Variants in CLVS1 observed in about 807,000 individuals in gnomAD.
CLVS1 encodes clavesin 1, also known as clavesin-1.
In CLVS1, 10 loss-of-function variants were observed where a neutral mutation model predicts 33.1. That is an observed-to-expected ratio of 0.30 (90% CI 0.19 to 0.51). CLVS1 has a LOEUF of 0.51. CLVS1 is among the 20% of genes least tolerant of loss of function. The pLI is 0.97. For synonymous variants in CLVS1, 163 were observed against 166.1 expected, an observed-to-expected ratio of 0.98 and a Z score of 0.14; for missense variants, 343 against 433.4, an observed-to-expected ratio of 0.79 and a Z score of 1.85.
chr8:61,183,612 C>T (rs1345955823), intron 2 of CLVS1, among the ~76,000 whole-genome samples: 1 of 152,102 alleles, frequency 6.6e-6, no homozygotes, highest in Non-Finnish European at 1.5e-5. Context: ...GAAAGGTTGG[C>T]AGATCCCACA....
intron 2 of CLVS1, among the ~76,000 whole-genome samples, chr8:61,250,244 T>A (rs1808907487): frequency 6.6e-6 from 1 of 152,186 alleles, no homozygotes; most frequent in African/African-American, 2.4e-5. Flanking sequence ...GTGGTGTTAT[T>A]TCTGAGGCTT....
upstream of CLVS1, among the ~76,000 whole-genome samples, chr8:61,052,460 A>G (rs942974422): frequency 1.8e-4 from 28 of 151,852 alleles, no homozygotes; most frequent in Non-Finnish European, 3.7e-4. Flanking sequence ...CCTCACTGAA[A>G]GGGAAATTTA....
chr8:61,095,640 G>GT (rs1217517705), intron 1 of CLVS1, among the ~76,000 whole-genome samples: 1 of 152,158 alleles, frequency 6.6e-6, no homozygotes, highest in African/African-American at 2.4e-5. Context: ...TGTATTTAGA[G>GT]TTTTCCAGAA....
intron 2 of CLVS1, among the ~76,000 whole-genome samples, chr8:61,365,527 CAAA>C (rs142110433): frequency 1.9e-4 from 27 of 140,362 alleles, no homozygotes; most frequent in African/African-American, 7.3e-4. Flanking sequence ...AACACCATGT[CAAA>C]AAAAAAAAAA....
intron 5 of CLVS1, chr8:61,465,138 T>TTC (rs1385982308): frequency 6.6e-6 from 1 of 152,330 alleles, no homozygotes; most frequent in East Asian, 1.9e-4. Context: ...CACTTGCTTA[T>TTC]TCTGAGTAAG....
chr8:61,296,617 T>C (rs1810220595), intron 1 of CLVS1, among the ~76,000 whole-genome samples: 1 of 152,188 alleles, frequency 6.6e-6, no homozygotes. Flanking sequence ...AAAAATACTT[T>C]GTAGATGAGG....
chr8:61,140,351 T>C (rs973398861), intron 2 of CLVS1, among the ~76,000 whole-genome samples: 23 of 152,238 alleles, frequency 1.5e-4, no homozygotes, highest in African/African-American at 5.3e-4. Context: ...GCCGTCTCAT[T>C]TGATGATCAT....
At chr8:61,050,001 A>C in the CLVS1 span, among the ~76,000 whole-genome samples, 1 of 152,238 alleles carries the variant, frequency 6.6e-6, no homozygotes, top group Non-Finnish European at 1.5e-5. Context: ...TCTCTGTTGT[A>C]ATAAGGCTGC....
chr8:61,151,953 T>C (rs1030543481), intron 2 of CLVS1, among the ~76,000 whole-genome samples: 1 of 152,142 alleles, frequency 6.6e-6, no homozygotes, highest in African/African-American at 2.4e-5. Context: ...CATCCTAACC[T>C]TTGCTCTTCT....
At chr8:61,449,572 C>G (rs1290828383) in intron 3 of CLVS1, among the ~76,000 whole-genome samples, 1 of 152,214 alleles carries the variant, frequency 6.6e-6, no homozygotes, top group Non-Finnish European at 1.5e-5. Flanking sequence ...TGATGTTTGA[C>G]TGGCATAGAG....
intron 2 of CLVS1, among the ~76,000 whole-genome samples, chr8:61,212,370 C>A (rs563227244): frequency 1.2e-4 from 19 of 152,278 alleles, no homozygotes; most frequent in African/African-American, 4.1e-4. Context: ...CAAAACCTAG[C>A]GTCAGGAGTG....
chr8:60,996,583 G>A, the CLVS1 span, among the ~76,000 whole-genome samples: 14 of 152,276 alleles, frequency 9.2e-5, no homozygotes, highest in Non-Finnish European at 1.6e-4. Flanking sequence ...GTTTCAGAAC[G>A]GTAGCTGAGA....
chr8:61,271,901 G>T (rs1359006675), intron 2 of CLVS1, among the ~76,000 whole-genome samples: 1 of 151,222 alleles, frequency 6.6e-6, no homozygotes, highest in Admixed American at 6.6e-5. Flanking sequence ...TTTTGAGCCT[G>T]TGTGTGTCTC....
At chr8:61,247,999 A>G (rs1170773306) in intron 2 of CLVS1, among the ~76,000 whole-genome samples, 1 of 152,228 alleles carries the variant, frequency 6.6e-6, no homozygotes, top group Admixed American at 6.5e-5. Context: ...AATCTTCTGC[A>G]TAAGGCTAGC....
chr8:61,128,150 T>C (rs556412913), intron 1 of CLVS1, among the ~76,000 whole-genome samples: 1 of 152,372 alleles, frequency 6.6e-6, no homozygotes, highest in South Asian at 2.1e-4. Flanking sequence ...TCTTTCTGTA[T>C]GTGACCATGT....
chr8:61,245,360 G>A (rs990479857), intron 2 of CLVS1, among the ~76,000 whole-genome samples: 1 of 149,336 alleles, frequency 6.7e-6, no homozygotes, highest in Non-Finnish European at 1.5e-5. Flanking sequence ...TTTTTTTTTT[G>A]TATTTTAGTA....
chr8:60,996,630 C>T, the CLVS1 span, among the ~76,000 whole-genome samples: 1 of 152,168 alleles, frequency 6.6e-6, no homozygotes, highest in Non-Finnish European at 1.5e-5. Context: ...TTCTTGTTCC[C>T]AGGTTCCCAG....
At position 61,133,430 on chromosome 8, in the gene CLVS1, G is replaced by A. The variant is rs571687543; in HGVS notation, c.-152+1570G>A. ...GAAGCCGTGGCATAACAAAGGCATG[G>A]CTGTGTGGAATAACACATGGAAGTT... is the stretch of plus-strand genomic sequence containing the variant. On this transcript the variant is annotated intron_variant, in intron 2 of 2. Transcript: ENST00000522621. Among the ~76,000 whole-genome samples, 3 of 152,318 alleles carry A rather than the reference G, an allele frequency of 2.0e-5. No individual in the cohort carries two copies. In the East Asian group the frequency reaches 5.8e-4, roughly 29 times the overall value.
chr8:60,967,933 C>G, the CLVS1 span, among the ~76,000 whole-genome samples: 1 of 151,978 alleles, frequency 6.6e-6, no homozygotes, highest in Non-Finnish European at 1.5e-5. Context: ...TTCCAGAGAT[C>G]ATTTAATTTA....
Sources: gnomAD v4.1 joint callset for allele counts (sites outside exome capture counted in the v4.1 genomes callset) on GRCh38, gnomAD v4.1.1 for gene constraint, MANE v1.5 for transcripts, NCBI Gene and HGNC (gene_info 2026-07-23, HGNC 2026-07-21) for gene names.